SGF29: variants seen among roughly 807,000 people sequenced by gnomAD.
The protein encoded by SGF29 is SAGA-associated factor 29.
A neutral mutation model predicts 38.1 loss-of-function variants in SGF29; 15 were observed. The ratio of observed to expected loss-of-function variants is 0.39; its 90% CI spans 0.26 to 0.61. The LOEUF (loss-of-function observed/expected upper bound fraction) is 0.61. Among genes scored for constraint, SGF29 ranks in the 20% least tolerant of loss-of-function variants. The pLI is 0.49. For synonymous variants in SGF29, 151 were observed against 160.8 expected, an observed-to-expected ratio of 0.94 and a Z score of 0.46; for missense variants, 184 against 394.6, an observed-to-expected ratio of 0.47 and a Z score of 4.52.
At chr16:28,585,599 AC>A in intron 3 of SGF29, 48 bp from the exon 4 acceptor site, 1 of 1,498,560 alleles carries the variant, frequency 6.7e-7, no homozygotes, top group Non-Finnish European at 9.3e-7. Flanking sequence ...GTGCCATGCT[AC>A]TGTGCCTGCC....
At chr16:28,579,071 G>C (rs1355586978) in intron 1 of SGF29, among the ~76,000 whole-genome samples, 5 of 152,112 alleles carry the variant, frequency 3.3e-5, no homozygotes, top group Non-Finnish European at 7.4e-5. Flanking sequence ...ACAGGTGTTA[G>C]TCACTGCCCC....
chr16:28,561,501 C>T (rs2046789774), intron 1 of SGF29, among the ~76,000 whole-genome samples: 1 of 152,126 alleles, frequency 6.6e-6, no homozygotes, highest in African/African-American at 2.4e-5. Flanking sequence ...CCACTGCACT[C>T]CAGCCTGGGC....
intron 1 of SGF29, among the ~76,000 whole-genome samples, chr16:28,562,127 G>A (rs1040640936): frequency 3.9e-5 from 6 of 152,284 alleles, no homozygotes; most frequent in South Asian, 2.1e-4. Flanking sequence ...TTTGGCAAGC[G>A]TCAGCATTTC....
chr16:28,591,732 C>G lies in SGF29; in HGVS notation c.*26C>G. ...TGCCGCCTGGCAGACTCGCCATCCC[C>G]CAACGACACAGGGCAGGACAGCAGA... On this transcript the variant is annotated 3_prime_UTR_variant, in exon 10 of 10. Transcript: ENST00000317058. 3 of 1,545,900 alleles carry G rather than the reference C, an allele frequency of 1.9e-6. No homozygotes were observed. The highest frequency in any genetic ancestry group is 1.7e-5 in the Admixed American group (1 of 59,852).
rs1205539732 is a variant in SGF29 at position 28,584,945 on chromosome 16, G to A, written c.108G>A (p.Val36=). The part of the protein sequence containing the change: ...EERSRSEHNL[V]NIQKTHERMQ... The stretch of plus-strand genomic sequence containing the variant: ...GTTCGCGGAGCGAACACAACTTAGT[G>A]AACATCCAGAAGACCCATGAGCGGA... Residue 36 remains valine, a synonymous_variant, in exon 3 of 10, where the codon GTG becomes GTA. Transcript: ENST00000317058. The A allele has an allele frequency of 2.5e-6, 4 of 1,613,704 alleles. No homozygotes were observed. In the African/African-American group the frequency reaches 5.3e-5, roughly 22 times the overall value.
intron 2 of SGF29, among the ~76,000 whole-genome samples, chr16:28,583,958 T>C (rs2046940918): frequency 6.6e-6 from 1 of 152,150 alleles, no homozygotes; most frequent in Non-Finnish European, 1.5e-5. Context: ...GTTGACTGTA[T>C]AGATTGATTT....
At chr16:28,564,766 TATATATGTATATATATATATACACACAC>T (rs2046825431) in intron 1 of SGF29, among the ~76,000 whole-genome samples, 1 of 59,806 alleles carries the variant, frequency 1.7e-5, no homozygotes, top group African/African-American at 6.4e-5. Flanking sequence ...TATATATGTA[TATATATGTATATATATATATACACACAC>T]ACACACACAC....
rs558383480 is a variant in SGF29 at position 28,581,047 on chromosome 16, C to A, written c.-15-8C>A. 3 of 1,609,604 alleles carry A rather than the reference C, an allele frequency of 1.9e-6. No individual in the cohort carries two copies. The highest frequency in any genetic ancestry group is 2.2e-5 in the East Asian group (1 of 44,848). ...CAGAGTTCTCTTCTGTCCTCGCTCC[C>A]CCACCAGGTGCCCCTGTAGACAATG... On this transcript the variant is annotated splice_region_variant and splice_polypyrimidine_tract_variant and intron_variant, in intron 1 of 9. Transcript: ENST00000317058.
chr16:28,585,847 T>A lies in SGF29; in HGVS notation c.224+127T>A, dbSNP rs146718324. ...TAAGCTGATTGCTACTCCCAGCCTC[T>A]CGCTTGGGTCCCGCATTCCCTGGCC... On this transcript the variant is annotated intron_variant, in intron 4 of 9. Coordinates refer to ENST00000317058, the MANE Select transcript of SGF29 (RefSeq NM_138414.3). 581 of 855,618 alleles carry A rather than the reference T, an allele frequency of 6.8e-4. 4 individuals carry two copies. The African/African-American group carries it at 8.3e-3, about 12-fold the overall frequency. 53.0% of individuals were successfully genotyped at this position (855,618 alleles called of 1,614,324 possible).
chr16:28,554,039 C>G lies in SGF29; in HGVS notation c.-74C>G, dbSNP rs910500104. ...AGACTCCGAAAAAGGGTTCGAGGAA[C>G]GCGCCTGCTCCCCTCGTCGCAGTTT... is the stretch of plus-strand genomic sequence containing the variant. On this transcript the variant is annotated 5_prime_UTR_variant, in exon 1 of 10. Coordinates refer to ENST00000317058, the MANE Select transcript of SGF29 (RefSeq NM_138414.3). The G allele has an allele frequency of 6.6e-6, 1 of 152,346 alleles. No homozygotes were observed. Among genetic ancestry groups the G allele is most frequent in the African/African-American group, 2.4e-5 (1 of 41,452 alleles). 9.4% of individuals were successfully genotyped at this position (152,346 alleles called of 1,614,324 possible).
intron 1 of SGF29, among the ~76,000 whole-genome samples, chr16:28,564,777 A>ATATATACATATATATG (rs1567286247): frequency 1.1e-5 from 1 of 87,026 alleles, no homozygotes; most frequent in Non-Finnish European, 2.4e-5. Flanking sequence ...ATATATGTAT[A>ATATATACATATATATG]TATATATATA....
chr16:28,555,853 GC>G (rs1206891871), intron 1 of SGF29, among the ~76,000 whole-genome samples: 1 of 152,208 alleles, frequency 6.6e-6, no homozygotes, highest in Non-Finnish European at 1.5e-5. Flanking sequence ...TGGGTTGGCA[GC>G]TTCCACTTTT....
rs550215710 is a variant in SGF29, at chr16:28,560,816, C to A, written c.-16+6719C>A. 2.0e-5 allele frequency among the ~76,000 whole-genome samples: 3 copies of A among 151,768 alleles called. No individual in the cohort carries two copies. The South Asian group carries it at 6.2e-4, about 32-fold the overall frequency. ...CTCTGCTAAAAATACAAAAAATTAGCTGGGCGTGGTGGCGGGTGCCTGTAG... is the reference window on the plus strand; with the variant it reads ...CTCTGCTAAAAATACAAAAAATTAGATGGGCGTGGTGGCGGGTGCCTGTAG... On this transcript the variant is annotated intron_variant, in intron 1 of 9. Transcript: ENST00000317058.
chr16:28,578,399 T>C (rs925217778), intron 1 of SGF29, among the ~76,000 whole-genome samples: 7 of 152,158 alleles, frequency 4.6e-5, no homozygotes, highest in East Asian at 3.8e-4. Context: ...CAAGGGCCCA[T>C]GCTCATCTTG....
chr16:28,564,746 T>TATATATATGTATATATATACAC, intron 1 of SGF29, among the ~76,000 whole-genome samples: 1 of 24,850 alleles, frequency 4.0e-5, no homozygotes, highest in African/African-American at 1.3e-4. Flanking sequence ...TGTATATATG[T>TATATATATGTATATATATACAC]ATATATATGT....
intron 1 of SGF29, among the ~76,000 whole-genome samples, chr16:28,577,270 A>C (rs2046899895): frequency 6.6e-6 from 1 of 151,966 alleles, no homozygotes; most frequent in African/African-American, 2.4e-5. Flanking sequence ...ATGTATTTAA[A>C]GTGTGCAATT....
intron 1 of SGF29, among the ~76,000 whole-genome samples, chr16:28,574,275 T>C (rs1339634739): frequency 6.6e-6 from 1 of 152,202 alleles, no homozygotes; most frequent in Non-Finnish European, 1.5e-5. Context: ...GGACCAAGGC[T>C]GGCCCTTTTC....
chr16:28,560,829 C>T (rs1466810544), intron 1 of SGF29, among the ~76,000 whole-genome samples: 9 of 151,302 alleles, frequency 5.9e-5, no homozygotes, highest in Admixed American at 6.6e-5. Context: ...GGCGTGGTGG[C>T]GGGTGCCTGT....
At chr16:28,588,840 G>A in intron 4 of SGF29, 1 of 402,142 alleles carries the variant, frequency 2.5e-6, no homozygotes, top group Non-Finnish European at 4.7e-6. Flanking sequence ...CAAAGTGCTG[G>A]GATTACAGGC....
Sources: gnomAD v4.1 joint callset for allele counts (sites outside exome capture counted in the v4.1 genomes callset) on GRCh38, gnomAD v4.1.1 for gene constraint, MANE v1.5 for transcripts, NCBI Gene and HGNC (gene_info 2026-07-23, HGNC 2026-07-21) for gene names.